The following RARG variants were observed in gnomAD, a reference collection of about 807,000 sequenced individuals.
RARG encodes RAR-gamma.
A neutral mutation model predicts 43.7 loss-of-function variants in RARG; 17 were observed. The ratio of observed to expected loss-of-function variants is 0.39; its 90% CI spans 0.27 to 0.58. RARG has a LOEUF of 0.58. RARG is among the 20% of genes least tolerant of loss of function. The probability of loss-of-function intolerance (pLI) is 0.57; values close to 1 mark genes in which losing one functional copy is unlikely to be tolerated. For missense variants in RARG, 346 were observed against 598.7 expected (o/e 0.58, Z 4.40); for synonymous variants, 238 against 236.4 (o/e 1.01, Z -0.06).
chr12:53,213,203 C>A lies in RARG; in HGVS notation c.1059G>T (p.Leu353=). The change falls in exon 9 of 10, where the codon CTG becomes CTT. Residue 353 remains leucine (L), a synonymous_variant. Coordinates refer to ENST00000425354, the MANE Select transcript of RARG (RefSeq NM_000966.6). The surrounding 1 kb of genome is among the most constrained non-coding windows in gnomAD (Gnocchi z 4.7). The part of the protein sequence containing the change: ...DLEEPEKVDK[L]QEPLLEALRL... Reference sequence around the variant, plus strand: ...TCAGGGCTTCCAGCAGTGGCTCCTGCAGCTTGTCCACTTTTTCGGGCTCCT... The same window carrying A: ...TCAGGGCTTCCAGCAGTGGCTCCTGAAGCTTGTCCACTTTTTCGGGCTCCT... 6.2e-7 allele frequency: 1 copy of A among 1,605,396 alleles called. No individual in the cohort carries two copies. Among genetic ancestry groups the A allele is most frequent in the East Asian group, 2.2e-5 (1 of 44,838 alleles).
chr12:53,214,695 C>T, intron 5 of RARG, 89 bp from the exon 6 acceptor site: 1 of 1,296,244 alleles, frequency 7.7e-7, no homozygotes, highest in Non-Finnish European at 1.0e-6. Context: ...ATGCTCAGTC[C>T]TTATCATGAA....
rs528795439 is a variant in RARG, at chr12:53,214,132, C to A, written c.740G>T (p.Arg247Leu). Residue 247 changes from arginine to leucine, a missense_variant, in exon 7 of 10, where the codon CGG becomes CTG. Coordinates refer to ENST00000425354, the MANE Select transcript of RARG (RefSeq NM_000966.6). ...CIIKIVEFAK[R>L]LPGFTGLSIA... ...GCTGAGCCCTGTAAAGCCAGGCAAC[C>A]GCTTGGCAAACTCCACGATCTTGAT... 6.2e-7 allele frequency: 1 copy of A among 1,614,036 alleles called. No homozygotes were observed. The highest frequency in any genetic ancestry group is 2.2e-5 in the East Asian group (1 of 44,876).
In RARG at chr12:53,215,379, T is replaced by C. The variant is rs1380703070; in HGVS notation, c.389A>G (p.Lys130Arg). ...KNMVYTCHRD[K>R]NCIINKVTRN... ...GGTCACCTTGTTGATGATACAGTTT[T>C]TGTCGCGGTGACACGTGTACACCAT... is the stretch of plus-strand genomic sequence containing the variant. The change falls in exon 5 of 10, where the codon AAA becomes AGA. Residue 130 changes from lysine to arginine, a missense_variant. This residue lies in a region of RARG where 50 missense variants were observed against 117.7 expected (regional missense o/e 0.42). Transcript: ENST00000425354. This position sits in a 1 kb window ranked among gnomAD's most constrained non-coding sequence, Gnocchi z 6.4. The C allele has an allele frequency of 1.2e-6, 2 of 1,613,984 alleles. No individual in the cohort carries two copies. Among genetic ancestry groups the C allele is most frequent in the Admixed American group, 1.7e-5 (1 of 59,994 alleles).
chr12:53,215,459 G>C lies in RARG; in HGVS notation c.334-25C>G. 1 of 1,613,150 alleles carries C rather than the reference G, an allele frequency of 6.2e-7. No individual in the cohort carries two copies. Among genetic ancestry groups the C allele is most frequent in the Non-Finnish European group, 8.5e-7 (1 of 1,179,384 alleles). On this transcript the variant is annotated intron_variant, in intron 4 of 9. Transcript: ENST00000425354. The surrounding 1 kb of genome is among the most constrained non-coding windows in gnomAD (Gnocchi z 6.4). ...CCTGGAGTTGAGGGAAAGAGAGAGGGCCTCTGAAGCACAATGCTGGGAGTA... is the reference window on the plus strand; with the variant it reads ...CCTGGAGTTGAGGGAAAGAGAGAGGCCCTCTGAAGCACAATGCTGGGAGTA...
chr12:53,230,836 CGTGTGTGTGTGTGTGTGTGTGTGT>C (rs59367849), intron 2 of RARG, among the ~76,000 whole-genome samples: 2 of 120,000 alleles, frequency 1.7e-5, no homozygotes, highest in African/African-American at 6.4e-5. Flanking sequence ...GGCCACAGTG[CGTGTGTGTGTGTGTGTGTGTGTGT>C]GTGTGTGTGT....
chr12:53,216,746 T>C (rs888637855), intron 3 of RARG, among the ~76,000 whole-genome samples: 3 of 151,786 alleles, frequency 2.0e-5, no homozygotes, highest in Non-Finnish European at 4.4e-5. Flanking sequence ...AAATACCCAA[T>C]TGCAGCTCAA....
At chr12:53,220,148 C>T in intron 3 of RARG, 1 of 1,549,894 alleles carries the variant, frequency 6.5e-7, no homozygotes, top group South Asian at 1.2e-5. Context: ...ACCAAGGACC[C>T]GCAGCCGATT....
Position 53,232,129 on chromosome 12 carries a change from C to A in RARG, c.-365G>T. On this transcript the variant is annotated 5_prime_UTR_variant, in exon 1 of 10. Coordinates refer to ENST00000425354, the MANE Select transcript of RARG (RefSeq NM_000966.6). ...GGGACTGTCCCGGGGCCTCTCGGAG[C>A]CCGCCCGCCCACGTGACCGCCCCAA... The A allele has an allele frequency of 2.5e-6, 1 of 398,582 alleles. No individual in the cohort carries two copies. Among genetic ancestry groups the A allele is most frequent in the Non-Finnish European group, 4.4e-6 (1 of 226,028 alleles). The allele number at this position is 398,582 out of a possible 1,614,324, so 24.7% of individuals were successfully genotyped here.
intron 3 of RARG, among the ~76,000 whole-genome samples, chr12:53,216,787 A>G (rs1006836445): frequency 2.0e-5 from 3 of 151,790 alleles, no homozygotes; most frequent in Admixed American, 1.3e-4. Context: ...TATGGGGAGG[A>G]CATGCTCTGC....
chr12:53,227,606 A>T lies in RARG; in HGVS notation c.-61T>A, dbSNP rs936939773. 2 of 1,410,514 alleles carry T rather than the reference A, an allele frequency of 1.4e-6. No individual in the cohort carries two copies. Among genetic ancestry groups the T allele is most frequent in the Non-Finnish European group, 1.8e-6 (2 of 1,081,102 alleles). The allele number at this position is 1,410,514 out of a possible 1,614,324, so 87.4% of individuals were successfully genotyped here. On this transcript the variant is annotated 5_prime_UTR_variant, in exon 3 of 10. Coordinates refer to ENST00000425354, the MANE Select transcript of RARG (RefSeq NM_000966.6). The surrounding 1 kb of genome is among the most constrained non-coding windows in gnomAD (Gnocchi z 4.3). ...GTGGGCGGGCGAGGTCTTCAGCCAC[A>T]GCCCCTGCCCATGCCCACTGCCCCA... is the stretch of plus-strand genomic sequence containing the variant.
rs745345035 is a variant in RARG, at chr12:53,214,587, G to C, written c.495C>G (p.Asn165Lys). ...CTTCCTTCACCTCTTTCTTCTTCTT[G>C]TTCCGGTCATTTCGCACAGCTTGTG... ...MSKEAVRNDR[N>K]KKKKEVKEEG... Residue 165 changes from asparagine to lysine, a missense_variant, in exon 6 of 10, where the codon AAC (asparagine) becomes AAG (lysine). By Grantham distance (94) the Asn-to-Lys change is moderately conservative (BLOSUM62 0). Transcript: ENST00000425354. The C allele has an allele frequency of 4.4e-6, 7 of 1,605,918 alleles. No individual in the cohort carries two copies. The Admixed American group carries it at 1.0e-4, about 23-fold the overall frequency.
chr12:53,213,760 A>C lies in RARG; in HGVS notation c.814-60T>G. 1 of 1,489,956 alleles carries C rather than the reference A, an allele frequency of 6.7e-7. No individual in the cohort carries two copies. The highest frequency in any genetic ancestry group is 9.3e-7 in the Non-Finnish European group (1 of 1,077,944). 92.3% of individuals were successfully genotyped at this position (1,489,956 alleles called of 1,614,324 possible). A position where few individuals can be genotyped will look rare whatever the true frequency, so the allele number is the denominator to read the frequency against. On this transcript the variant is annotated intron_variant, in intron 7 of 9. Transcript: ENST00000425354. This position sits in a 1 kb window ranked among gnomAD's most constrained non-coding sequence, Gnocchi z 4.7. ...TTCTGGGGGATGGGGAAAAGAGGGA[A>C]TGAGTGGAAAGTGAGGAGGTTAGGT... is the stretch of plus-strand genomic sequence containing the variant.
At position 53,220,041 on chromosome 12, in the gene RARG, C is replaced by T. The variant is rs1204701565; in HGVS notation, c.185-4247G>A. 1.9e-6 allele frequency: 3 copies of T among 1,542,064 alleles called. No individual in the cohort carries two copies. In the Admixed American group the frequency reaches 6.1e-5, roughly 31 times the overall value. On this transcript the variant is annotated intron_variant, in intron 3 of 9. Transcript: ENST00000425354. ...CTCTGCGCAGCAAGCCGGCCCCGGG[C>T]CCGGCCGCCCCGTACAGCCGTCGCG...
At chr12:53,228,967 G>C (rs1943171747) in intron 2 of RARG, among the ~76,000 whole-genome samples, 1 of 152,104 alleles carries the variant, frequency 6.6e-6, no homozygotes, top group Non-Finnish European at 1.5e-5. Flanking sequence ...TTCCCTCTAA[G>C]AGTTTAAACC....
intron 3 of RARG, among the ~76,000 whole-genome samples, chr12:53,219,497 G>A (rs1206069646): frequency 6.6e-6 from 1 of 152,212 alleles, no homozygotes; most frequent in Non-Finnish European, 1.5e-5. Flanking sequence ...CACTGGTGGA[G>A]AGACCCTTGC....
chr12:53,229,676 G>A (rs1943185821), intron 2 of RARG, among the ~76,000 whole-genome samples: 1 of 152,162 alleles, frequency 6.6e-6, no homozygotes, highest in Admixed American at 6.5e-5. Flanking sequence ...GAGGCCCCTG[G>A]GCCACAGCTC....
chr12:53,231,326 G>A (rs1943231889), intron 1 of RARG, 91 bp from the exon 2 acceptor site: 2 of 152,340 alleles, frequency 1.3e-5, no homozygotes, highest in East Asian at 1.9e-4. Context: ...TGTTCCATTT[G>A]GGCTTCCCTC....
At chr12:53,222,849 A>G (rs1056182126) in intron 3 of RARG, among the ~76,000 whole-genome samples, 1 of 151,820 alleles carries the variant, frequency 6.6e-6, no homozygotes, top group Admixed American at 6.5e-5. Flanking sequence ...AATTAGACCC[A>G]TTAGCCTTCT....
chr12:53,211,741 TG>T lies in RARG; in HGVS notation c.1299del (p.Asn434MetfsTer17). ...GGAACCTCATCCTCGCTAGAGGCAT[TG>T]GGGTGGGGACCAGGCTGCGAGGAGT... is the stretch of plus-strand genomic sequence containing the variant. ...EDDSSQPGPH[P>X]NASSEDEVPG... On this transcript the variant is annotated frameshift_variant, in exon 10 of 10. Coordinates refer to ENST00000425354, the MANE Select transcript of RARG (RefSeq NM_000966.6). LOFTEE classifies it high-confidence loss of function. The surrounding 1 kb of genome is among the most constrained non-coding windows in gnomAD (Gnocchi z 4.6). The T allele has an allele frequency of 1.3e-6, 2 of 1,568,754 alleles. No homozygotes were observed. Among genetic ancestry groups the T allele is most frequent in the Non-Finnish European group, 1.7e-6 (2 of 1,158,092 alleles).
Sources: gnomAD v4.1 joint callset for allele counts (sites outside exome capture counted in the v4.1 genomes callset) on GRCh38, gnomAD v4.1.1 for gene constraint, gnomAD v4.1.1 regional missense constraint, Gnocchi (gnomAD v3.1) non-coding constraint, MANE v1.5 for transcripts, NCBI Gene and HGNC (gene_info 2026-07-23, HGNC 2026-07-21) for gene names.